LAMC3: variants seen among roughly 807,000 people sequenced by gnomAD.
LAMC3 encodes laminin subunit gamma-3.
LAMC3 carries 128 observed loss-of-function variants against 173.8 expected under a neutral mutation model. The observed-to-expected ratio is 0.74, with a 90% CI of 0.64 to 0.85. LAMC3 has a LOEUF of 0.85. Among genes scored for constraint, LAMC3 ranks in the 40% least tolerant of loss-of-function variants. The pLI is 0.00. For synonymous variants in LAMC3, 897 were observed against 909.1 expected (o/e 0.99, Z 0.24); for missense variants, 2,022 against 2,156.0 (o/e 0.94, Z 1.23).
At chr9:131,015,593 C>T (rs954573598) in intron 1 of LAMC3, among the ~76,000 whole-genome samples, 6 of 152,188 alleles carry the variant, frequency 3.9e-5, no homozygotes, top group South Asian at 4.1e-4. Flanking sequence ...CTCTGAATGT[C>T]ATGCAAGGGC....
chr9:131,058,950 C>T (rs951910997), intron 12 of LAMC3, among the ~76,000 whole-genome samples: 1 of 151,208 alleles, frequency 6.6e-6, no homozygotes. Flanking sequence ...GTAATCCCAG[C>T]ACTTTGGGAG....
At chr9:131,079,649 G>A (rs1282804078) in intron 23 of LAMC3, among the ~76,000 whole-genome samples, 2 of 152,004 alleles carry the variant, frequency 1.3e-5, no homozygotes, top group African/African-American at 4.8e-5. Flanking sequence ...AGCTGAGATC[G>A]CGCCACTGCA....
chr9:131,064,420 T>C (rs561377778), intron 13 of LAMC3, among the ~76,000 whole-genome samples: 25 of 152,186 alleles, frequency 1.6e-4, no homozygotes, highest in African/African-American at 5.8e-4. Flanking sequence ...TCCCAGCACT[T>C]TGGGAGGCTG....
chr9:131,080,927 C>T (rs567332388), intron 23 of LAMC3, among the ~76,000 whole-genome samples: 9 of 152,324 alleles, frequency 5.9e-5, no homozygotes, highest in South Asian at 2.1e-4. Flanking sequence ...GTGACATTCA[C>T]GTGGCATACA....
chr9:131,057,247 G>A, intron 12 of LAMC3, 100 bp downstream of exon 12: 1 of 1,042,724 alleles, frequency 9.6e-7, no homozygotes, highest in Non-Finnish European at 1.5e-6. Context: ...AGGCATTGAG[G>A]TGTTGGCCAA....
rs377618961 is a variant in LAMC3 at position 131,085,561 on chromosome 9, G to A, written c.4068G>A (p.Ala1356=). The part of the protein sequence containing the change: ...KLQFPRPKDQ[A]ALQRKADSVS... ...AGTTTCCCCGGCCCAAGGACCAGGCGGCATTGCAGAGGAAGGCAGACTCCG... is the reference window on the plus strand; with the variant it reads ...AGTTTCCCCGGCCCAAGGACCAGGCAGCATTGCAGAGGAAGGCAGACTCCG... Residue 1356 remains alanine, a synonymous_variant, in exon 25 of 28, where the codon GCG becomes GCA. Coordinates refer to ENST00000361069, the MANE Select transcript of LAMC3 (RefSeq NM_006059.4). 3.5e-4 allele frequency: 571 copies of A among 1,614,050 alleles called. 4 individuals carry two copies. In the South Asian group the frequency reaches 5.1e-3, roughly 14 times the overall value.
intron 1 of LAMC3, among the ~76,000 whole-genome samples, chr9:131,012,748 C>T (rs908022512): frequency 6.6e-6 from 1 of 152,204 alleles, no homozygotes; most frequent in Non-Finnish European, 1.5e-5. Flanking sequence ...CTGGCTCTGT[C>T]CCCCCACTGC....
chr9:131,038,472 A>G (rs1341353081), intron 4 of LAMC3, among the ~76,000 whole-genome samples: 1 of 152,210 alleles, frequency 6.6e-6, no homozygotes, highest in African/African-American at 2.4e-5. Context: ...GTGACCTCAC[A>G]CAATAGTGAG....
At chr9:131,043,723 G>A (rs1834097477) in intron 7 of LAMC3, among the ~76,000 whole-genome samples, 2 of 152,204 alleles carry the variant, frequency 1.3e-5, no homozygotes, top group South Asian at 4.1e-4. Context: ...TGAAGGAACT[G>A]GAAAACCACT....
chr9:131,049,013 T>C lies in LAMC3; in HGVS notation c.1520-7T>C, dbSNP rs760078756. On this transcript the variant is annotated splice_region_variant and splice_polypyrimidine_tract_variant and intron_variant, in intron 8 of 27. Transcript: ENST00000361069. The stretch of plus-strand genomic sequence containing the variant: ...CTGATCGGGGGGTGTCTGTGTTTGC[T>C]GTCTAGGAGCCGAAGGCTGGTGGGC... 5.2e-6 allele frequency: 8 copies of C among 1,536,850 alleles called. No homozygotes were observed. The African/African-American group carries it at 1.1e-4, about 21-fold the overall frequency.
intron 22 of LAMC3, 150 bp downstream of exon 22, chr9:131,077,484 T>A (rs1050251140): frequency 1.3e-5 from 12 of 950,402 alleles, no homozygotes; most frequent in Non-Finnish European, 1.9e-5. Context: ...TGAGACCACC[T>A]GGGCCAACGT....
In LAMC3 at chr9:131,032,101, GGAC is replaced by G; in HGVS notation, c.739_741del (p.Asp247del). The G allele has an allele frequency of 1.9e-6, 3 of 1,614,030 alleles. 1 individual carries two copies. The highest frequency in any genetic ancestry group is 2.2e-5 in the South Asian group (2 of 91,078). On this transcript the variant is annotated inframe_deletion, in exon 3 of 28. Transcript: ENST00000361069. ...CTCTAGACCGGCTCAACACGTTTGG[GGAC>G]GACATCTTCAAGGACCCCAAGGTGC...
intron 1 of LAMC3, among the ~76,000 whole-genome samples, chr9:131,018,932 C>T (rs116286554): frequency 1.5e-3 from 221 of 152,324 alleles, no homozygotes; most frequent in African/African-American, 5.2e-3. Context: ...GATGCTCCCA[C>T]AGCCTCCCTG....
At chr9:131,061,733 T>A (rs992814538) in intron 13 of LAMC3, among the ~76,000 whole-genome samples, 4 of 152,326 alleles carry the variant, frequency 2.6e-5, no homozygotes, top group Middle Eastern at 3.4e-3. Flanking sequence ...ACTATTCATA[T>A]ACCTGACAGT....
chr9:131,076,127 G>A (rs1830122118), intron 21 of LAMC3, among the ~76,000 whole-genome samples, 162 bp downstream of exon 21: 3 of 152,190 alleles, frequency 2.0e-5, no homozygotes, highest in African/African-American at 7.2e-5. Context: ...GGGCCACAGG[G>A]TCTTGGGCCC....
intron 13 of LAMC3, among the ~76,000 whole-genome samples, 183 bp downstream of exon 13, chr9:131,061,406 C>T (rs1829820696): frequency 6.6e-6 from 1 of 152,174 alleles, no homozygotes; most frequent in South Asian, 2.1e-4. Flanking sequence ...TAGCCAGAGC[C>T]CCAGGCTGCC....
rs201585568 is a variant in LAMC3, at chr9:131,091,791, C to A, written c.*4C>A. On this transcript the variant is annotated 3_prime_UTR_variant, in exon 28 of 28. Coordinates refer to ENST00000361069, the MANE Select transcript of LAMC3 (RefSeq NM_006059.4). ...GAACTGTGCCAGCTGGCAGTGAGGGCTGCCCAGATCCCCGGCACACACTCC... is the reference window on the plus strand; with the variant it reads ...GAACTGTGCCAGCTGGCAGTGAGGGATGCCCAGATCCCCGGCACACACTCC... 2.2e-5 allele frequency: 36 copies of A among 1,611,854 alleles called. No individual in the cohort carries two copies. The African/African-American group carries it at 4.5e-4, about 20-fold the overall frequency.
intron 27 of LAMC3, among the ~76,000 whole-genome samples, chr9:131,089,988 C>T (rs922681661): frequency 5.9e-5 from 9 of 152,046 alleles, no homozygotes; most frequent in African/African-American, 1.2e-4. Flanking sequence ...GTAGAGACAG[C>T]GTCTCGTTAT....
chr9:131,041,659 G>A lies in LAMC3; in HGVS notation c.1306G>A (p.Gly436Ser), dbSNP rs1328231276. Residue 436 changes from glycine to serine, a missense_variant, in exon 7 of 28, where the codon GGC (glycine) becomes AGC (serine). Coordinates refer to ENST00000361069, the MANE Select transcript of LAMC3 (RefSeq NM_006059.4). Reference sequence around the variant, plus strand: ...CAGACCCTGCACTTGCAATCCCGCTGGCAGCCTGGACACCTGTGACCCCCG... The same window carrying A: ...CAGACCCTGCACTTGCAATCCCGCTAGCAGCCTGGACACCTGTGACCCCCG... ...GCRPCTCNPA[G>S]SLDTCDPRSG... 2 of 1,614,110 alleles carry A rather than the reference G, an allele frequency of 1.2e-6. No homozygotes were observed. The highest frequency in any genetic ancestry group is 1.7e-5 in the Admixed American group (1 of 60,024).
Sources: gnomAD v4.1 joint callset for allele counts (sites outside exome capture counted in the v4.1 genomes callset) on GRCh38, gnomAD v4.1.1 for gene constraint, MANE v1.5 for transcripts, NCBI Gene and HGNC (gene_info 2026-07-23, HGNC 2026-07-21) for gene names.